Variants in SPECC1 observed in about 807,000 individuals in gnomAD.
The protein encoded by SPECC1 is sperm antigen with calponin homology and coiled-coil domains 1.
SPECC1 carries 62 observed loss-of-function variants against 104.1 expected under a neutral mutation model. The observed-to-expected ratio is 0.60, with a 90% CI of 0.49 to 0.74. The LOEUF (loss-of-function observed/expected upper bound fraction) is 0.74, where lower values mean the gene tolerates loss of function less well. SPECC1 is among the 30% of genes least tolerant of loss of function. The probability of loss-of-function intolerance (pLI) is 0.00; values close to 1 mark genes in which losing one functional copy is unlikely to be tolerated. For synonymous variants in SPECC1, 513 were observed against 501.6 expected, an observed-to-expected ratio of 1.02 and a Z score of -0.30; for missense variants, 1,306 against 1,310.5, an observed-to-expected ratio of 1.00 and a Z score of 0.05.
chr17:20,179,932 A>G (rs1264848974), intron 3 of SPECC1, among the ~76,000 whole-genome samples: 1 of 152,204 alleles, frequency 6.6e-6, no homozygotes, highest in Non-Finnish European at 1.5e-5. Flanking sequence ...GCGTGGAACT[A>G]AAAATTCTAG....
At chr17:20,231,590 T>C (rs2038584600) in intron 5 of SPECC1, among the ~76,000 whole-genome samples, 168 bp from the exon 6 acceptor site, 1 of 152,178 alleles carries the variant, frequency 6.6e-6, no homozygotes, top group Non-Finnish European at 1.5e-5. Flanking sequence ...GTCCATTCCC[T>C]GGTTTACAGG....
intron 13 of SPECC1, among the ~76,000 whole-genome samples, chr17:20,304,682 A>G (rs2041705199): frequency 6.6e-6 from 1 of 152,162 alleles, no homozygotes. Context: ...AACCTAGGCA[A>G]TAGAATGGGG....
intron 3 of SPECC1, among the ~76,000 whole-genome samples, chr17:20,126,691 T>C (rs1317124068): frequency 6.6e-6 from 1 of 152,228 alleles, no homozygotes; most frequent in Non-Finnish European, 1.5e-5. Flanking sequence ...CTTGCTGTTT[T>C]GTGCATGTGT....
Position 20,096,771 on chromosome 17 carries a change from C to G in SPECC1, c.120C>G (p.Ser40=), listed in dbSNP as rs749365820. 12 of 1,614,054 alleles carry G rather than the reference C, an allele frequency of 7.4e-6. No homozygotes were observed. Among genetic ancestry groups the G allele is most frequent in the Non-Finnish European group, 1.0e-5 (12 of 1,179,942 alleles). The change falls in exon 2 of 15, where the codon TCC becomes TCG. Residue 40 remains serine (S), a synonymous_variant. Transcript: ENST00000395527. ...SGMKSSKSST[S]LAFESRLSRL... is the part of the protein sequence containing the mutation. The stretch of plus-strand genomic sequence containing the variant: ...TGAAGAGTTCTAAGTCTTCAACTTC[C>G]TTGGCTTTTGAGTCCCGACTCAGCA...
chr17:20,271,859 C>G (rs991597324), intron 12 of SPECC1, among the ~76,000 whole-genome samples: 2 of 151,636 alleles, frequency 1.3e-5, no homozygotes, highest in African/African-American at 4.9e-5. Flanking sequence ...TTTGTTTTAC[C>G]CTGATGCTTG....
rs1481971266 is a variant in SPECC1 at position 20,317,286 on chromosome 17, A to C, written c.*3221A>C. On this transcript the variant is annotated 3_prime_UTR_variant, in exon 15 of 15. Transcript: ENST00000395527. ...TTTTTTTTTTTTTTTTTTTTGAGAG[A>C]GCGTCTCACTTCTCTGTCACCCAGG... 1.2e-4 allele frequency: 2 copies of C among 16,968 alleles called. No homozygotes were observed. 1.1% of individuals were successfully genotyped at this position (16,968 alleles called of 1,614,324 possible).
chr17:20,137,913 C>T (rs1341677104), intron 3 of SPECC1, among the ~76,000 whole-genome samples: 1 of 152,026 alleles, frequency 6.6e-6, no homozygotes, highest in Non-Finnish European at 1.5e-5. Context: ...ATAATCCGCC[C>T]TTCCACCTCC....
At chr17:20,225,484 C>T (rs1358357283) in intron 4 of SPECC1, among the ~76,000 whole-genome samples, 2 of 152,232 alleles carry the variant, frequency 1.3e-5, no homozygotes, top group Non-Finnish European at 2.9e-5. Context: ...CTAAATGCTC[C>T]TTTTATGGGT....
intron 3 of SPECC1, among the ~76,000 whole-genome samples, chr17:20,197,923 A>G (rs1285884399): frequency 1.3e-5 from 2 of 152,180 alleles, no homozygotes; most frequent in Non-Finnish European, 2.9e-5. Flanking sequence ...GAGGAGATAA[A>G]TACTGATTTT....
At chr17:20,015,995 A>G (rs1390312505) in intron 1 of SPECC1, among the ~76,000 whole-genome samples, 1 of 150,484 alleles carries the variant, frequency 6.6e-6, no homozygotes, top group Non-Finnish European at 1.5e-5. Context: ...ATGGATCACG[A>G]GGTCAGGAGA....
rs766856210 is a variant in SPECC1 at position 20,231,792 on chromosome 17, C to T, written c.2106C>T (p.Asp702=). Residue 702 remains aspartate, a synonymous_variant, in exon 6 of 15, where the codon GAC becomes GAT. Transcript: ENST00000395527. ...TCAAGCTGGAGGAACAGAAGTCAGA[C>T]CTGGAGAGGCAGCTGAAGACTCTGA... ...SVIKLEEQKS[D]LERQLKTLTK... 3.7e-6 allele frequency: 6 copies of T among 1,613,892 alleles called. 1 individual carries two copies. The highest frequency in any genetic ancestry group is 5.1e-6 in the Non-Finnish European group (6 of 1,180,006).
chr17:20,079,355 A>C (rs2046879858), intron 1 of SPECC1, among the ~76,000 whole-genome samples: 1 of 152,152 alleles, frequency 6.6e-6, no homozygotes, highest in East Asian at 1.9e-4. Flanking sequence ...GCTGGAGTGC[A>C]GTGATGAGAT....
chr17:20,170,433 C>T (rs975099402), intron 3 of SPECC1, among the ~76,000 whole-genome samples: 1 of 152,126 alleles, frequency 6.6e-6, no homozygotes, highest in Admixed American at 6.5e-5. Context: ...TATTTTAGTA[C>T]CACAAACTTC....
intron 1 of SPECC1, among the ~76,000 whole-genome samples, chr17:20,066,565 ACT>A (rs1364203627): frequency 1.3e-5 from 2 of 152,070 alleles, no homozygotes; most frequent in African/African-American, 2.4e-5. Flanking sequence ...TGGTCATCTT[ACT>A]CTGTTTTTAC....
At position 20,112,361 on chromosome 17, in the gene SPECC1, A is replaced by T. The variant is rs1373338151; in HGVS notation, c.283+1799A>T. 9.2e-6 allele frequency: 7 copies of T among 757,540 alleles called. No individual in the cohort carries two copies. The East Asian group carries it at 1.7e-4, about 19-fold the overall frequency. The allele number at this position is 757,540 out of a possible 1,614,324, so 46.9% of individuals were successfully genotyped here. A position where few individuals can be genotyped will look rare whatever the true frequency, so the allele number is the denominator to read the frequency against. Reference sequence around the variant, plus strand: ...CAAGATTTTTTGTATTGACTCATTGATTGAACACCTAGAAATGGCAATAAA... The same window carrying T: ...CAAGATTTTTTGTATTGACTCATTGTTTGAACACCTAGAAATGGCAATAAA... On this transcript the variant is annotated intron_variant, in intron 3 of 14. Coordinates refer to ENST00000395527, the MANE Select transcript of SPECC1 (RefSeq NM_001243439.2).
intron 13 of SPECC1, chr17:20,305,553 T>A (rs2041734988): frequency 6.4e-6 from 1 of 156,302 alleles, no homozygotes; most frequent in South Asian, 1.9e-4. Context: ...ATTACAGAGA[T>A]ACGGAAATAA....
chr17:20,179,036 A>C (rs544132734), intron 3 of SPECC1, among the ~76,000 whole-genome samples: 1 of 152,242 alleles, frequency 6.6e-6, no homozygotes, highest in Non-Finnish European at 1.5e-5. Flanking sequence ...GAACTAATAT[A>C]AATCTTCTGT....
intron 3 of SPECC1, among the ~76,000 whole-genome samples, chr17:20,116,771 C>T (rs1414971445): frequency 6.7e-6 from 1 of 148,682 alleles, no homozygotes; most frequent in Non-Finnish European, 1.5e-5. Context: ...CCCCCAGTTC[C>T]AACCCAGGGA....
Position 20,316,307 on chromosome 17 carries a change from G to A in SPECC1, c.*2242G>A. The A allele has an allele frequency of 4.3e-6, 1 of 231,102 alleles. No homozygotes were observed. Among genetic ancestry groups the A allele is most frequent in the Non-Finnish European group, 8.6e-6 (1 of 116,686 alleles). 14.3% of individuals were successfully genotyped at this position (231,102 alleles called of 1,614,324 possible). A position where few individuals can be genotyped will look rare whatever the true frequency, so the allele number is the denominator to read the frequency against. On this transcript the variant is annotated 3_prime_UTR_variant, in exon 15 of 15. Coordinates refer to ENST00000395527, the MANE Select transcript of SPECC1 (RefSeq NM_001243439.2). ...CAGGGTTTTATGTGGGGAGGCAGTT[G>A]CTGTCTTGGGATACCCGGAGTGGGA...
Sources: allele counts gnomAD v4.1 joint callset (sites outside exome capture counted in the v4.1 genomes callset), GRCh38; gene constraint gnomAD v4.1.1; transcripts MANE v1.5; gene names NCBI Gene and HGNC (gene_info 2026-07-23, HGNC 2026-07-21).